TTC7B: variants seen among roughly 807,000 people sequenced by gnomAD.
TTC7B encodes the protein tetratricopeptide repeat protein 7B.
A neutral mutation model predicts 106.8 loss-of-function variants in TTC7B; 28 were observed. That is an observed-to-expected ratio of 0.26 (90% CI 0.19 to 0.36). TTC7B has a LOEUF of 0.36. Ranked by LOEUF, TTC7B falls within the 10% of genes least tolerant of loss-of-function variation. TTC7B has a pLI of 1.00. For synonymous variants in TTC7B, 405 were observed against 430.6 expected (o/e 0.94, Z 0.74); for missense variants, 862 against 1,076.4 (o/e 0.80, Z 2.79).
intron 4 of TTC7B, among the ~76,000 whole-genome samples, chr14:90,735,750 T>A (rs1726653801): frequency 6.6e-6 from 1 of 151,636 alleles, no homozygotes; most frequent in African/African-American, 2.4e-5. Flanking sequence ...AACAAAAAAA[T>A]CTTGACAAAA....
At chr14:90,794,833 A>ATCC (rs1891719625) in intron 1 of TTC7B, among the ~76,000 whole-genome samples, 1 of 152,200 alleles carries the variant, frequency 6.6e-6, no homozygotes, top group African/African-American at 2.4e-5. Flanking sequence ...CAGAGATATT[A>ATCC]AAAACATCAA....
At chr14:90,787,362 T>C (rs894724784) in intron 1 of TTC7B, among the ~76,000 whole-genome samples, 2 of 152,190 alleles carry the variant, frequency 1.3e-5, no homozygotes, top group African/African-American at 4.8e-5. Flanking sequence ...TACACCAGCC[T>C]AAGCATGGTC....
At chr14:90,780,504 C>G (rs1323891621) in intron 3 of TTC7B, among the ~76,000 whole-genome samples, 1 of 125,886 alleles carries the variant, frequency 7.9e-6, no homozygotes, top group African/African-American at 3.8e-5. Flanking sequence ...AGAAACTTTG[C>G]TGAAATGTTT....
chr14:90,786,383 C>A (rs1891390037), intron 1 of TTC7B, 55 bp from the exon 2 acceptor site: 1 of 1,598,444 alleles, frequency 6.3e-7, no homozygotes, highest in South Asian at 1.1e-5. Flanking sequence ...GCATGTAGGA[C>A]CCCCTCACTC....
chr14:90,794,052 G>A (rs1370194138), intron 1 of TTC7B, among the ~76,000 whole-genome samples: 1 of 150,970 alleles, frequency 6.6e-6, no homozygotes, highest in Admixed American at 6.6e-5. Flanking sequence ...ACAGGCACGC[G>A]CCACCATACC....
chr14:90,623,898 G>A (rs1954404105), intron 15 of TTC7B, among the ~76,000 whole-genome samples: 1 of 152,222 alleles, frequency 6.6e-6, no homozygotes, highest in Non-Finnish European at 1.5e-5. Flanking sequence ...GCACACATCT[G>A]TAGTACCAGC....
At chr14:90,707,142 T>C (rs1456588772) in intron 5 of TTC7B, among the ~76,000 whole-genome samples, 1 of 152,240 alleles carries the variant, frequency 6.6e-6, no homozygotes, top group African/African-American at 2.4e-5. Flanking sequence ...TTCCGTGTTA[T>C]ATGAGAAGTT....
chr14:90,799,054 G>A (rs112814843), intron 1 of TTC7B, among the ~76,000 whole-genome samples: 2,339 of 152,234 alleles, frequency 0.015, 25 homozygotes, highest in African/African-American at 0.026. Context: ...AGCCAAGGAA[G>A]GAGTTTTACA....
At chr14:90,707,732 G>A (rs1006301057) in intron 5 of TTC7B, among the ~76,000 whole-genome samples, 22 of 152,212 alleles carry the variant, frequency 1.4e-4, no homozygotes, top group African/African-American at 5.3e-4. Flanking sequence ...TCTAGAGCAA[G>A]GCCCTAATTC....
intron 15 of TTC7B, among the ~76,000 whole-genome samples, chr14:90,625,621 T>A (rs1320094927): frequency 6.6e-6 from 1 of 152,192 alleles, no homozygotes; most frequent in East Asian, 1.9e-4. Context: ...ATGACAGCTG[T>A]GCACGTCCTG....
intron 9 of TTC7B, among the ~76,000 whole-genome samples, chr14:90,658,849 A>G (rs1886062717): frequency 6.6e-6 from 1 of 152,218 alleles, no homozygotes; most frequent in African/African-American, 2.4e-5. Context: ...TTATCTTCTC[A>G]GTACTGGTGC....
intron 7 of TTC7B, among the ~76,000 whole-genome samples, chr14:90,682,096 G>C (rs1376334352): frequency 2.8e-4 from 43 of 152,290 alleles, no homozygotes; most frequent in Non-Finnish European, 5.1e-4. Context: ...ATGCAACTAG[G>C]ATCTTGCAAA....
At chr14:90,552,882 C>G (rs1890146487) in intron 19 of TTC7B, among the ~76,000 whole-genome samples, 1 of 152,228 alleles carries the variant, frequency 6.6e-6, no homozygotes, top group Non-Finnish European at 1.5e-5. Context: ...GGGGTGGCTG[C>G]TTCCTCACTC....
chr14:90,756,384 G>GTTTTTTTTTTTTTTTTTTTTT (rs369068692), intron 3 of TTC7B, among the ~76,000 whole-genome samples: 1 of 126,780 alleles, frequency 7.9e-6, no homozygotes, highest in Non-Finnish European at 1.6e-5. Context: ...TTTTTTTTTT[G>GTTTTTTTTTTTTTTTTTTTTT]TTTTTTTTTT....
chr14:90,605,589 A>G (rs1892603281), intron 17 of TTC7B: 3 of 1,274,706 alleles, frequency 2.4e-6, no homozygotes, highest in African/African-American at 1.5e-5. Flanking sequence ...AGGAAAAACC[A>G]TGTTTACAGA....
At chr14:90,813,080 G>A (rs183258426) in intron 1 of TTC7B, among the ~76,000 whole-genome samples, 9 of 152,214 alleles carry the variant, frequency 5.9e-5, no homozygotes, top group South Asian at 4.1e-4. Context: ...ATCAGGCCCC[G>A]CCACTTTCTA....
chr14:90,702,653 T>C (rs921579660), intron 5 of TTC7B, among the ~76,000 whole-genome samples: 1 of 152,238 alleles, frequency 6.6e-6, no homozygotes, highest in East Asian at 1.9e-4. Context: ...CCCAGTTTGA[T>C]TCATTGATCC....
intron 18 of TTC7B, among the ~76,000 whole-genome samples, chr14:90,581,402 A>G (rs1457998363): frequency 6.6e-6 from 1 of 152,038 alleles, no homozygotes; most frequent in Non-Finnish European, 1.5e-5. Context: ...GGAGACAAAC[A>G]CCCTCCTAAT....
intron 3 of TTC7B, among the ~76,000 whole-genome samples, chr14:90,750,332 G>A (rs1890099581): frequency 6.6e-6 from 1 of 152,184 alleles, no homozygotes; most frequent in South Asian, 2.1e-4. Context: ...GTATGTCAAA[G>A]GGTCAGGAAA....
Sources: allele counts gnomAD v4.1 joint callset (sites outside exome capture counted in the v4.1 genomes callset), GRCh38; gene constraint gnomAD v4.1.1; transcripts MANE v1.5; gene names NCBI Gene and HGNC (gene_info 2026-07-23, HGNC 2026-07-21).